Variants in HNRNPM observed in about 807,000 individuals in gnomAD.
HNRNPM encodes CEA receptor.
A neutral mutation model predicts 73.1 loss-of-function variants in HNRNPM; 11 were observed. The observed-to-expected ratio is 0.15, with a 90% CI of 0.09 to 0.25. HNRNPM has a LOEUF of 0.25. Among genes scored for constraint, HNRNPM ranks in the 10% least tolerant of loss-of-function variants. HNRNPM has a pLI of 1.00. For synonymous variants in HNRNPM, 407 were observed against 355.2 expected (o/e 1.15, Z -1.64); for missense variants, 789 against 1,067.9 (o/e 0.74, Z 3.64).
rs773435835 is a variant in HNRNPM, at chr19:8,488,961, G to T, written c.*107G>T. On this transcript the variant is annotated 3_prime_UTR_variant, in exon 16 of 16. Coordinates refer to ENST00000325495, the MANE Select transcript of HNRNPM (RefSeq NM_005968.5). ...TGTATAAAGATGTTTAAAAAATTCAGTTGCTTTTTGGGGTAATTTGAATTA... is the reference window on the plus strand; with the variant it reads ...TGTATAAAGATGTTTAAAAAATTCATTTGCTTTTTGGGGTAATTTGAATTA... 7 of 1,063,836 alleles carry T rather than the reference G, an allele frequency of 6.6e-6. No homozygotes were observed. The highest frequency in any genetic ancestry group is 8.1e-6 in the Non-Finnish European group (6 of 743,886). The allele number at this position is 1,063,836 out of a possible 1,614,324, so 65.9% of individuals were successfully genotyped here.
At chr19:8,450,711 A>AATTATTATT (rs748689245) in intron 1 of HNRNPM, among the ~76,000 whole-genome samples, 1 of 124,710 alleles carries the variant, frequency 8.0e-6, no homozygotes, top group African/African-American at 2.7e-5. Flanking sequence ...TAATTTAATT[A>AATTATTATT]ATTATTATTA....
chr19:8,470,755 G>C (rs1970072648), intron 9 of HNRNPM, among the ~76,000 whole-genome samples: 1 of 152,224 alleles, frequency 6.6e-6, no homozygotes, highest in Non-Finnish European at 1.5e-5. Context: ...GTCCCTGTCT[G>C]TGTTGGTAGG....
rs567581272 is a variant in HNRNPM at position 8,484,743 on chromosome 19, G to C, written c.1175-860G>C. On this transcript the variant is annotated intron_variant, in intron 13 of 15. Transcript: ENST00000325495. ...GGTCACAGGCTGGCTCTGGGCTGAT[G>C]GCCACTCTCAGAGGCAAGCGACAGG... Among the ~76,000 whole-genome samples, 53 of 152,284 alleles carry C rather than the reference G, an allele frequency of 3.5e-4. No homozygotes were observed. In the East Asian group the frequency reaches 0.01, roughly 29 times the overall value.
intron 12 of HNRNPM, among the ~76,000 whole-genome samples, chr19:8,477,495 A>G (rs1464353137): frequency 6.6e-6 from 1 of 152,018 alleles, no homozygotes; most frequent in Non-Finnish European, 1.5e-5. Flanking sequence ...TCCTCTCTAC[A>G]AAAAATAAAA....
chr19:8,488,663 G>A, intron 15 of HNRNPM, 28 bp from the exon 16 acceptor site: 3 of 1,595,072 alleles, frequency 1.9e-6, no homozygotes, highest in African/African-American at 1.3e-5. Flanking sequence ...GGGACTGAGT[G>A]TCGTCTCTTC....
Position 8,462,665 on chromosome 19 carries a change from G to T in HNRNPM, c.336+84G>T. 8.7e-7 allele frequency: 1 copy of T among 1,145,784 alleles called. No homozygotes were observed. The highest frequency in any genetic ancestry group is 1.3e-6 in the Non-Finnish European group (1 of 753,316). The allele number at this position is 1,145,784 out of a possible 1,614,324, so 71.0% of individuals were successfully genotyped here. ...GTGGCGTGGAATCGAATGAAATCAGGAAGGCAGTGAGTGCTCATGTTACAG... is the reference window on the plus strand; with the variant it reads ...GTGGCGTGGAATCGAATGAAATCAGTAAGGCAGTGAGTGCTCATGTTACAG... On this transcript the variant is annotated intron_variant, in intron 3 of 15. Transcript: ENST00000325495. The surrounding 1 kb of genome is among the most constrained non-coding windows in gnomAD (Gnocchi z 4.5).
At chr19:8,481,015 T>C (rs1297347928) in intron 12 of HNRNPM, among the ~76,000 whole-genome samples, 1 of 152,192 alleles carries the variant, frequency 6.6e-6, no homozygotes, top group Non-Finnish European at 1.5e-5. Context: ...GGTTGGTTTT[T>C]CAAGATTCAA....
rs558214823 is a variant in HNRNPM at position 8,465,246 on chromosome 19, A to C, written c.439-78A>C. ...ACAACCTTTCAGTTTCTAAGTCTTG[A>C]GAATATCATTTACTGTGCAAGCATG... On this transcript the variant is annotated intron_variant, in intron 5 of 15. Coordinates refer to ENST00000325495, the MANE Select transcript of HNRNPM (RefSeq NM_005968.5). The C allele has an allele frequency of 1.7e-5, 19 of 1,143,570 alleles. No individual in the cohort carries two copies. In the African/African-American group the frequency reaches 3.0e-4, roughly 18 times the overall value. 70.8% of individuals were successfully genotyped at this position (1,143,570 alleles called of 1,614,324 possible). A position where few individuals can be genotyped will look rare whatever the true frequency, so the allele number is the denominator to read the frequency against.
chr19:8,486,258 C>T lies in HNRNPM; in HGVS notation c.1830C>T (p.Ala610=), dbSNP rs1346959851. 1 of 1,602,916 alleles carries T rather than the reference C, an allele frequency of 6.2e-7. No homozygotes were observed. The highest frequency in any genetic ancestry group is 8.5e-7 in the Non-Finnish European group (1 of 1,179,798). ...LGAGIERMGL[A]MGGGGGASFD... Reference sequence around the variant, plus strand: ...CTGGCATTGAGCGCATGGGCCTGGCCATGGGTGGCGGTGGCGGTGCCAGCT... The same window carrying T: ...CTGGCATTGAGCGCATGGGCCTGGCTATGGGTGGCGGTGGCGGTGCCAGCT... Residue 610 remains alanine (A), a synonymous_variant, in exon 14 of 16, where the codon GCC becomes GCT. Coordinates refer to ENST00000325495, the MANE Select transcript of HNRNPM (RefSeq NM_005968.5).
Position 8,474,975 on chromosome 19 carries a change from A to T in HNRNPM, c.1120+731A>T, listed in dbSNP as rs1970403613. On this transcript the variant is annotated intron_variant, in intron 12 of 15. Transcript: ENST00000325495. ...TGTGATCCGCCCGCCTCAGCCTCCC[A>T]AAGTGCTGGGATTACAGGCGTGAGC... Among the ~76,000 whole-genome samples the T allele has an allele frequency of 1.3e-5, 2 of 152,226 alleles. 1 individual carries two copies. Among genetic ancestry groups the T allele is most frequent in the South Asian group, 4.1e-4 (2 of 4,830 alleles).
intron 10 of HNRNPM, among the ~76,000 whole-genome samples, chr19:8,471,748 C>CTGCA (rs952728606): frequency 2.3e-4 from 35 of 152,122 alleles, no homozygotes; most frequent in African/African-American, 8.5e-4. Context: ...TACTGACAGG[C>CTGCA]TGCAGGTCTC....
intron 1 of HNRNPM, among the ~76,000 whole-genome samples, chr19:8,450,363 A>C (rs1968518375): frequency 1.3e-5 from 2 of 152,150 alleles, no homozygotes; most frequent in Non-Finnish European, 2.9e-5. Context: ...GTAGGCAGTC[A>C]CTATTTGGTG....
In HNRNPM at chr19:8,460,815, T is replaced by C. The variant is rs1296599305; in HGVS notation, c.284-1714T>C. ...TAGTCATAGCTGGTAGGAAATCAAC[T>C]TGGGGCCTCTTCAGTCACTATTTTG... On this transcript the variant is annotated intron_variant, in intron 2 of 15. Coordinates refer to ENST00000325495, the MANE Select transcript of HNRNPM (RefSeq NM_005968.5). Among the ~76,000 whole-genome samples the C allele has an allele frequency of 3.9e-5, 6 of 152,338 alleles. No homozygotes were observed. The East Asian group carries it at 1.2e-3, about 29-fold the overall frequency.
chr19:8,452,130 A>T (rs7253907), intron 1 of HNRNPM, among the ~76,000 whole-genome samples: 1 of 152,034 alleles, frequency 6.6e-6, no homozygotes, highest in Non-Finnish European at 1.5e-5. Flanking sequence ...GTTAGATTGG[A>T]TAGTTTATTC....
chr19:8,471,013 T>A (rs1372809747), intron 9 of HNRNPM, among the ~76,000 whole-genome samples: 1 of 152,170 alleles, frequency 6.6e-6, no homozygotes, highest in Non-Finnish European at 1.5e-5. Context: ...AGTCACCTTT[T>A]TTGATCAGAC....
Position 8,455,446 on chromosome 19 carries a change from A to G in HNRNPM, c.155A>G (p.Lys52Arg), listed in dbSNP as rs925871052. ...GCTCAGAATGAGAAGAGGAAGGAGA[A>G]AAACATAAAAAGAGGAGGCAATCGC... ...RPAQNEKRKE[K>R]NIKRGGNRFE... is the part of the protein sequence containing the mutation. Residue 52 changes from lysine to arginine, a missense_variant, in exon 2 of 16, where the codon AAA becomes AGA. Around this residue, in one of 4 missense-constraint regions of HNRNPM, gnomAD observed 63 missense variants for 147.4 expected, o/e 0.43. Coordinates refer to ENST00000325495, the MANE Select transcript of HNRNPM (RefSeq NM_005968.5). 1 of 1,614,050 alleles carries G rather than the reference A, an allele frequency of 6.2e-7. No individual in the cohort carries two copies. The highest frequency in any genetic ancestry group is 1.3e-5 in the African/African-American group (1 of 74,940).
intron 1 of HNRNPM, chr19:8,445,738 C>T (rs1401890954): frequency 6.6e-6 from 1 of 152,664 alleles, no homozygotes; most frequent in African/African-American, 2.4e-5. Context: ...CTGGCCCTGG[C>T]TCAAGTCCCT....
chr19:8,485,570 G>A lies in HNRNPM; in HGVS notation c.1175-33G>A, dbSNP rs1174990476. 19 of 1,579,074 alleles carry A rather than the reference G, an allele frequency of 1.2e-5. 1 individual carries two copies. The highest frequency in any genetic ancestry group is 1.6e-5 in the Non-Finnish European group (19 of 1,164,578). ...TGTGCACACGCACACTCAAGTTCTT[G>A]ACACCCACCTGTGTTTTGTGTCCCT... is the stretch of plus-strand genomic sequence containing the variant. On this transcript the variant is annotated intron_variant, in intron 13 of 15. Transcript: ENST00000325495.
intron 10 of HNRNPM, among the ~76,000 whole-genome samples, chr19:8,472,896 T>TA (rs568611560): frequency 1.1e-3 from 170 of 152,226 alleles, no homozygotes; most frequent in Middle Eastern, 3.4e-3. Flanking sequence ...CAGGGATTCT[T>TA]AAAAAAAATC....
Sources: gnomAD v4.1 joint callset for allele counts (sites outside exome capture counted in the v4.1 genomes callset) on GRCh38, gnomAD v4.1.1 for gene constraint, gnomAD v4.1.1 regional missense constraint, Gnocchi (gnomAD v3.1) non-coding constraint, MANE v1.5 for transcripts, NCBI Gene and HGNC (gene_info 2026-07-23, HGNC 2026-07-21) for gene names.